The following RAE1 variants were observed in gnomAD, a reference collection of about 807,000 sequenced individuals.
The protein encoded by RAE1 is ribonucleic acid export 1.
Under a neutral mutation model 52.7 loss-of-function variants are expected in RAE1, and 13 were observed. The ratio of observed to expected loss-of-function variants is 0.25; its 90% CI spans 0.16 to 0.39. The LOEUF is 0.39. Among genes scored for constraint, RAE1 ranks in the 10% least tolerant of loss-of-function variants. The pLI is 1.00. For missense variants in RAE1, 262 were observed against 459.8 expected (o/e 0.57, Z 3.93); for synonymous variants, 164 against 153.1 (o/e 1.07, Z -0.52).
At chr20:57,353,026 T>A (rs2066733371) in intron 1 of RAE1, among the ~76,000 whole-genome samples, 1 of 152,208 alleles carries the variant, frequency 6.6e-6, no homozygotes, top group Non-Finnish European at 1.5e-5. Flanking sequence ...GAAACTCAAA[T>A]GCCTTCCCCA....
At chr20:57,368,380 C>T (rs1442499349) in intron 7 of RAE1, among the ~76,000 whole-genome samples, 1 of 152,192 alleles carries the variant, frequency 6.6e-6, no homozygotes, top group Non-Finnish European at 1.5e-5. Context: ...AAATATGCTA[C>T]ATACCAAGTA....
At chr20:57,353,231 C>T (rs931212957) in intron 1 of RAE1, among the ~76,000 whole-genome samples, 7 of 152,136 alleles carry the variant, frequency 4.6e-5, no homozygotes, top group African/African-American at 1.7e-4. Context: ...GTTTATTGTA[C>T]CCACTATGAA....
At chr20:57,354,646 A>C in intron 2 of RAE1, 66 bp from the exon 3 acceptor site, 1 of 1,224,022 alleles carries the variant, frequency 8.2e-7, no homozygotes, top group Non-Finnish European at 1.1e-6. Flanking sequence ...AATTAGTGAG[A>C]AAGAAAACAA....
At chr20:57,375,088 C>G in intron 11 of RAE1, 1 of 686,142 alleles carries the variant, frequency 1.5e-6, no homozygotes, top group South Asian at 1.5e-5. Flanking sequence ...GGGGGCTGCA[C>G]TTTATGAAGG....
At chr20:57,373,861 A>G in intron 10 of RAE1, 123 bp downstream of exon 10, 1 of 1,039,862 alleles carries the variant, frequency 9.6e-7, no homozygotes, top group Non-Finnish European at 1.5e-6. Context: ...GTCCGGAGAT[A>G]AGTGGCTTAT....
intron 1 of RAE1, 67 bp from the exon 2 acceptor site, chr20:57,353,965 A>G (rs1271180894): frequency 2.2e-6 from 3 of 1,373,550 alleles, no homozygotes; most frequent in Non-Finnish European, 3.1e-6. Context: ...CCAGTTAATT[A>G]TCTTACCATT....
At chr20:57,366,165 T>C (rs1289659901) in intron 5 of RAE1, among the ~76,000 whole-genome samples, 1 of 152,186 alleles carries the variant, frequency 6.6e-6, no homozygotes, top group East Asian at 1.9e-4. Context: ...AAGGAGGAGC[T>C]TACTTTCACT....
chr20:57,369,233 A>G (rs1014095875), intron 8 of RAE1, among the ~76,000 whole-genome samples: 1 of 152,238 alleles, frequency 6.6e-6, no homozygotes. Context: ...CACAGAAAGA[A>G]GGGGGCTCAG....
At chr20:57,356,620 A>AT in intron 4 of RAE1, 82 bp downstream of exon 4, 72 of 1,188,440 alleles carry the variant, frequency 6.1e-5, no homozygotes, top group Middle Eastern at 2.0e-4. Flanking sequence ...AAACACAAAT[A>AT]GCATATATGT....
chr20:57,360,310 C>T (rs1367002751), intron 4 of RAE1, among the ~76,000 whole-genome samples: 2 of 152,172 alleles, frequency 1.3e-5, no homozygotes, highest in Non-Finnish European at 2.9e-5. Flanking sequence ...TTGCCCATTT[C>T]TTGCCACCTC....
intron 4 of RAE1, among the ~76,000 whole-genome samples, chr20:57,361,554 A>G (rs377400691): frequency 3.3e-4 from 51 of 152,324 alleles, no homozygotes; most frequent in African/African-American, 1.2e-3. Context: ...GCATACGTGC[A>G]TGCGTGAGCA....
intron 3 of RAE1, among the ~76,000 whole-genome samples, chr20:57,355,185 G>A (rs911899): frequency 0.98 from 148,947 of 152,346 alleles, 72,822 homozygotes; most frequent in East Asian, 1. Context: ...CTTTTTCAAC[G>A]TTAAATAATA....
At chr20:57,377,928 C>A in intron 11 of RAE1, 85 bp from the exon 12 acceptor site, 2 of 903,252 alleles carry the variant, frequency 2.2e-6, no homozygotes, top group Non-Finnish European at 1.7e-6. Flanking sequence ...AGTATTGTAG[C>A]ACAGGACTTC....
chr20:57,365,447 C>CAGAA lies in RAE1; in HGVS notation c.375+6_375+9dup, dbSNP rs758202733. The CAGAA allele has an allele frequency of 6.9e-6, 11 of 1,589,410 alleles. No homozygotes were observed. The African/African-American group carries it at 1.1e-4, about 16-fold the overall frequency. The stretch of plus-strand genomic sequence containing the variant: ...CAAGCGATACAGATCGCACAGGTAA[C>CAGAA]AGAAGCCTCTGCAGAAAGGCTAGGC... On this transcript the variant is annotated splice_donor_region_variant and intron_variant, in intron 5 of 11. Coordinates refer to ENST00000395841, the MANE Select transcript of RAE1 (RefSeq NM_003610.4).
intron 11 of RAE1, chr20:57,375,087 A>G (rs1331025580): frequency 2.3e-5 from 16 of 687,280 alleles, no homozygotes; most frequent in Non-Finnish European, 3.7e-5. Context: ...CGGGGGCTGC[A>G]CTTTATGAAG....
intron 5 of RAE1, 63 bp from the exon 6 acceptor site, chr20:57,366,744 C>T (rs1600719579): frequency 1.4e-6 from 2 of 1,465,462 alleles, no homozygotes; most frequent in Admixed American, 3.4e-5. Flanking sequence ...ATTGCCACAA[C>T]TAAAGCTGTT....
chr20:57,375,783 A>G (rs1217777911), intron 11 of RAE1, among the ~76,000 whole-genome samples: 2 of 152,086 alleles, frequency 1.3e-5, no homozygotes, highest in African/African-American at 4.8e-5. Flanking sequence ...CATCCAGTCC[A>G]GAAGCTTCCT....
Position 57,356,521 on chromosome 20 carries a change from G to C in RAE1, c.271G>C (p.Asp91His), listed in dbSNP as rs371840744. 2.5e-6 allele frequency: 4 copies of C among 1,612,554 alleles called. No homozygotes were observed. Among genetic ancestry groups the C allele is most frequent in the African/African-American group, 2.7e-5 (2 of 74,924 alleles). ...AQQMHTGPVL[D>H]VCWSDDGSKV... is the part of the protein sequence containing the mutation. ...GCAGATGCACACTGGGCCTGTGCTT[G>C]ATGTCTGCTGGAGTGACGTACGTTC... The change falls in exon 4 of 12, where the codon GAT becomes CAT. Residue 91 changes from aspartate to histidine, a missense_variant. By Grantham distance (81) the Asp-to-His change is moderately conservative. Transcript: ENST00000395841.
At chr20:57,368,848 G>A in intron 8 of RAE1, 36 bp downstream of exon 8, 4 of 1,518,448 alleles carry the variant, frequency 2.6e-6, no homozygotes, top group Non-Finnish European at 3.6e-6. Flanking sequence ...TATGTATTTA[G>A]CACCTGTTGT....
Sources: allele counts gnomAD v4.1 joint callset (sites outside exome capture counted in the v4.1 genomes callset), GRCh38; gene constraint gnomAD v4.1.1; transcripts MANE v1.5; gene names NCBI Gene and HGNC (gene_info 2026-07-23, HGNC 2026-07-21).